The following IGHMBP2 variants were observed in gnomAD, a reference collection of about 807,000 sequenced individuals.
The protein encoded by IGHMBP2 is DNA-binding protein SMUBP-2.
IGHMBP2 carries 81 observed loss-of-function variants against 96.0 expected under a neutral mutation model. That is an observed-to-expected ratio of 0.84 (90% CI 0.71 to 1.01). The LOEUF is 1.01. IGHMBP2 is among the 50% of genes least tolerant of loss of function. IGHMBP2 has a pLI of 0.00. For synonymous variants in IGHMBP2, 557 were observed against 548.9 expected, an observed-to-expected ratio of 1.01 and a Z score of -0.21; for missense variants, 1,227 against 1,306.3, an observed-to-expected ratio of 0.94 and a Z score of 0.94.
Position 68,915,012 on chromosome 11 carries a change from G to A in IGHMBP2, c.901G>A (p.Asp301Asn), listed in dbSNP as rs139635469. The change falls in exon 6 of 15, where the codon GAC (aspartate) becomes AAC (asparagine). Residue 301 changes from aspartate (D) to asparagine (N), a missense_variant. Coordinates refer to ENST00000255078, the MANE Select transcript of IGHMBP2 (RefSeq NM_002180.3). ...QIVADIRKDIDQVFVKNKKTQ... is the reference protein window; with the variant it reads ...QIVADIRKDINQVFVKNKKTQ... ...TGTTGCAGATATCAGGAAGGACATC[G>A]ACCAGGTCTTTGTAGGTGTCATGGC... The A allele has an allele frequency of 3.5e-5, 57 of 1,613,938 alleles. No homozygotes were observed. The highest frequency in any genetic ancestry group is 2.7e-4 in the African/African-American group (20 of 75,050).
chr11:68,918,351 C>T (rs1858750585), intron 7 of IGHMBP2, among the ~76,000 whole-genome samples: 1 of 150,808 alleles, frequency 6.6e-6, no homozygotes, highest in Non-Finnish European at 1.5e-5. Flanking sequence ...TTTTAAGAGA[C>T]AGGGTCTCTG....
intron 4 of IGHMBP2, among the ~76,000 whole-genome samples, chr11:68,909,177 G>A (rs192016105): frequency 2.8e-5 from 3 of 107,892 alleles, no homozygotes; most frequent in African/African-American, 3.7e-5. Flanking sequence ...TTTTTTTGGC[G>A]GGGGGGGTGG....
intron 8 of IGHMBP2, chr11:68,929,587 T>G (rs146008956): frequency 1.0e-4 from 36 of 350,034 alleles, no homozygotes; most frequent in African/African-American, 7.8e-4. Context: ...GCTTCAGAAC[T>G]GGACACAGGG....
At chr11:68,913,272 T>C (rs1858516884) in intron 5 of IGHMBP2, among the ~76,000 whole-genome samples, 1 of 152,022 alleles carries the variant, frequency 6.6e-6, no homozygotes, top group East Asian at 1.9e-4. Context: ...GGGAGCAGAT[T>C]GGTGGTTTTA....
chr11:68,909,574 A>T (rs1858350809), intron 4 of IGHMBP2, among the ~76,000 whole-genome samples: 1 of 152,056 alleles, frequency 6.6e-6, no homozygotes, highest in Admixed American at 6.6e-5. Context: ...CTTTGTGAAA[A>T]TAGAGGAAAG....
rs780194653 is a variant in IGHMBP2, at chr11:68,908,137, T to C, written c.257-8T>C. ...GTGTCTTGTGTCACTGAGTCTTTGT[T>C]TTTGCAGGTGATATCGTGGGCCTGT... is the stretch of plus-strand genomic sequence containing the variant. On this transcript the variant is annotated splice_region_variant and splice_polypyrimidine_tract_variant and intron_variant, in intron 2 of 14. Transcript: ENST00000255078. The C allele has an allele frequency of 6.2e-7, 1 of 1,613,238 alleles. No individual in the cohort carries two copies. The highest frequency in any genetic ancestry group is 8.5e-7 in the Non-Finnish European group (1 of 1,179,390).
chr11:68,921,544 G>A (rs1459405660), intron 7 of IGHMBP2, among the ~76,000 whole-genome samples: 1 of 152,200 alleles, frequency 6.6e-6, no homozygotes, highest in Non-Finnish European at 1.5e-5. Flanking sequence ...ATGATTGCAA[G>A]CTGACATTTC....
In IGHMBP2 at chr11:68,933,415, G is replaced by A. The variant is rs777119001; in HGVS notation, c.1352G>A (p.Trp451Ter). ...CGCATGCACCAGGCTATCATGCGCT[G>A]GGCCTCAGACACCATGTACCTTGGG... The part of the protein sequence containing the change: ...QYRMHQAIMR[W>*]ASDTMYLGQL... Residue 451 changes from tryptophan (W) to a stop codon, truncating the protein, a stop_gained, in exon 9 of 15, where the codon TGG becomes TAG. Transcript: ENST00000255078. LOFTEE classifies it high-confidence loss of function. 6.2e-7 allele frequency: 1 copy of A among 1,613,294 alleles called. No homozygotes were observed. Among genetic ancestry groups the A allele is most frequent in the South Asian group, 1.1e-5 (1 of 90,906 alleles).
In IGHMBP2 at chr11:68,939,699, A is replaced by C; in HGVS notation, c.2950A>C (p.Arg984=). 2 of 1,612,126 alleles carry C rather than the reference A, an allele frequency of 1.2e-6. No individual in the cohort carries two copies. The highest frequency in any genetic ancestry group is 1.7e-6 in the Non-Finnish European group (2 of 1,179,516). ...DKKLSELSNQ[R]TSRRKERGT ...GAAGCTGAGTGAGCTCAGCAACCAGAGGACCAGCCGGAGGAAGGAGAGGGG... is the reference window on the plus strand; with the variant it reads ...GAAGCTGAGTGAGCTCAGCAACCAGCGGACCAGCCGGAGGAAGGAGAGGGG... Residue 984 remains arginine, a synonymous_variant, in exon 15 of 15, where the codon AGG becomes CGG. Transcript: ENST00000255078.
rs577408084 is a variant in IGHMBP2 at position 68,914,539 on chromosome 11, C to T, written c.712-284C>T. Among the ~76,000 whole-genome samples the T allele has an allele frequency of 4.6e-5, 7 of 152,306 alleles. No homozygotes were observed. In the South Asian group the frequency reaches 6.2e-4, roughly 14 times the overall value. ...TTACAGCTCTGTGAGTTACAGGGTGCTCTCTTAGTTTGCCGTCTATAGGTG... is the reference window on the plus strand; with the variant it reads ...TTACAGCTCTGTGAGTTACAGGGTGTTCTCTTAGTTTGCCGTCTATAGGTG... On this transcript the variant is annotated intron_variant, in intron 5 of 14. Transcript: ENST00000255078.
chr11:68,939,534 A>G lies in IGHMBP2; in HGVS notation c.2785A>G (p.Ile929Val). ...RYCLSHHLPE[I>V]HGCGERARAH... ...GCAGTGATTCTTGTGTCCTCCCCAG[A>G]TCCATGGCTGCGGTGAGAGGGCTCG... The change falls in exon 15 of 15, where the codon ATC becomes GTC. Residue 929 changes from isoleucine to valine, a missense_variant and splice_region_variant. Ile to Val is a conservative substitution (Grantham distance 29). Coordinates refer to ENST00000255078, the MANE Select transcript of IGHMBP2 (RefSeq NM_002180.3). 1 of 1,611,796 alleles carries G rather than the reference A, an allele frequency of 6.2e-7. No individual in the cohort carries two copies. Among genetic ancestry groups the G allele is most frequent in the Non-Finnish European group, 8.5e-7 (1 of 1,179,998 alleles).
At chr11:68,937,589 C>T (rs1012112309) in intron 13 of IGHMBP2, among the ~76,000 whole-genome samples, 12 of 152,248 alleles carry the variant, frequency 7.9e-5, no homozygotes, top group African/African-American at 2.9e-4. Flanking sequence ...GGCTCTGCCC[C>T]GTTTGCCACA....
At chr11:68,917,337 T>G (rs73527314) in intron 6 of IGHMBP2, among the ~76,000 whole-genome samples, 2,307 of 152,312 alleles carry the variant, frequency 0.015, 68 homozygotes, top group African/African-American at 0.053. Context: ...TGAAAAAATT[T>G]TTTTTAATCT....
rs773281935 is a variant in IGHMBP2, at chr11:68,914,986, T to C, written c.875T>C (p.Ile292Thr). 6.2e-7 allele frequency: 1 copy of C among 1,614,100 alleles called. No individual in the cohort carries two copies. Among genetic ancestry groups the C allele is most frequent in the Non-Finnish European group, 8.5e-7 (1 of 1,180,014 alleles). Reference protein sequence around the residue: ...AVLARSDSAQIVADIRKDIDQ... With the variant: ...AVLARSDSAQTVADIRKDIDQ... ...TTAGCGCGGAGCGACAGTGCCCAGA[T>C]TGTTGCAGATATCAGGAAGGACATC... The change falls in exon 6 of 15, where the codon ATT (isoleucine) becomes ACT (threonine). Residue 292 changes from isoleucine (I) to threonine (T), a missense_variant. Physicochemically the swap from Ile to Thr is moderately conservative, Grantham distance 89. This residue lies in a region of IGHMBP2 where 507 missense variants were observed against 496.9 expected (regional missense o/e 1.02). Coordinates refer to ENST00000255078, the MANE Select transcript of IGHMBP2 (RefSeq NM_002180.3).
rs375645505 is a variant in IGHMBP2 at position 68,934,486 on chromosome 11, G to T, written c.1560G>T (p.Leu520Phe). 5 of 1,611,852 alleles carry T rather than the reference G, an allele frequency of 3.1e-6. No individual in the cohort carries two copies. The African/African-American group carries it at 6.7e-5, about 22-fold the overall frequency. The change falls in exon 11 of 15, where the codon TTG (leucine) becomes TTT (phenylalanine). Residue 520 changes from leucine to phenylalanine, a missense_variant. Around this residue, in one of 3 missense-constraint regions of IGHMBP2, gnomAD observed 703 missense variants for 770.3 expected, o/e 0.91. Transcript: ENST00000255078. ...CAGGCGAAGTCCGCCTCGTCAGTTTGCACATCCAGGCTCTGGTGGACGCTG... is the reference window on the plus strand; with the variant it reads ...CAGGCGAAGTCCGCCTCGTCAGTTTTCACATCCAGGCTCTGGTGGACGCTG... Reference protein sequence around the residue: ...GNPGEVRLVSLHIQALVDAGV... With the variant: ...GNPGEVRLVSFHIQALVDAGV...
chr11:68,935,459 C>T (rs946275809), intron 12 of IGHMBP2, 37 bp downstream of exon 12: 6 of 1,612,748 alleles, frequency 3.7e-6, no homozygotes, highest in African/African-American at 2.7e-5. Context: ...GGGGACAGCA[C>T]AGAAGTGAAT....
Position 68,917,777 on chromosome 11 carries a change from T to C in IGHMBP2, c.954T>C (p.Asn318=), listed in dbSNP as rs1482496537. The C allele has an allele frequency of 1.9e-6, 3 of 1,613,250 alleles. No individual in the cohort carries two copies. Among genetic ancestry groups the C allele is most frequent in the South Asian group, 1.1e-5 (1 of 91,072 alleles). Residue 318 remains asparagine, a synonymous_variant, in exon 7 of 15, where the codon AAT becomes AAC. Transcript: ENST00000255078. ...CCCAGGATAAGAGAGAGAAAAGTAATTTTCGAAATGAAATTAAGCTGTTAA... is the reference window on the plus strand; with the variant it reads ...CCCAGGATAAGAGAGAGAAAAGTAACTTTCGAAATGAAATTAAGCTGTTAA... The part of the protein sequence containing the change: ...KKTQDKREKS[N]FRNEIKLLRK...
intron 7 of IGHMBP2, among the ~76,000 whole-genome samples, chr11:68,927,201 C>G (rs2154008127): frequency 6.6e-6 from 1 of 152,322 alleles, no homozygotes; most frequent in African/African-American, 2.4e-5. Context: ...AGGTTCTCTT[C>G]CCACCCCGGG....
At chr11:68,929,482 T>C (rs1859192653) in intron 8 of IGHMBP2, 125 bp downstream of exon 8, 1 of 878,230 alleles carries the variant, frequency 1.1e-6, no homozygotes, top group African/African-American at 1.7e-5. Flanking sequence ...TCGGCACAGC[T>C]CCTACCCCGT....
Sources: allele counts gnomAD v4.1 joint callset (sites outside exome capture counted in the v4.1 genomes callset), GRCh38; gene constraint gnomAD v4.1.1; regional missense constraint gnomAD v4.1.1; transcripts MANE v1.5; gene names NCBI Gene and HGNC (gene_info 2026-07-23, HGNC 2026-07-21).